Variants in SHPRH observed in about 807,000 individuals in gnomAD.
The protein encoded by SHPRH is SNF2 histone linker PHD RING helicase.
SHPRH carries 106 observed loss-of-function variants against 202.5 expected under a neutral mutation model. The ratio of observed to expected loss-of-function variants is 0.52; its 90% confidence interval spans 0.45 to 0.62. The LOEUF is 0.62. Among genes scored for constraint, SHPRH ranks in the 20% least tolerant of loss-of-function variants. SHPRH has a pLI of 0.00. For synonymous variants in SHPRH, 729 were observed against 686.0 expected (o/e 1.06, Z -0.98); for missense variants, 1,710 against 2,020.0 (o/e 0.85, Z 2.94).
intron 1 of SHPRH, among the ~76,000 whole-genome samples, chr6:145,961,864 C>T (rs951264201): frequency 2.0e-5 from 3 of 152,176 alleles, no homozygotes; most frequent in Non-Finnish European, 4.4e-5. Context: ...AATCTCTATT[C>T]AGGGTTAACT....
chr6:145,919,900 A>G (rs1784287488), intron 21 of SHPRH, among the ~76,000 whole-genome samples: 1 of 152,142 alleles, frequency 6.6e-6, no homozygotes, highest in Non-Finnish European at 1.5e-5. Context: ...AATAATATGA[A>G]TTCCTTGGAA....
At chr6:145,874,604 C>A (rs550445270) in intron 2 of SHPRH, among the ~76,000 whole-genome samples, 46 of 151,660 alleles carry the variant, frequency 3.0e-4, no homozygotes, top group Middle Eastern at 3.4e-3. Flanking sequence ...ACATCCATCA[C>A]CTCATAGTTA....
At chr6:145,902,675 G>A (rs952211605) in intron 25 of SHPRH, among the ~76,000 whole-genome samples, 1 of 152,024 alleles carries the variant, frequency 6.6e-6, no homozygotes, top group African/African-American at 2.4e-5. Context: ...GTAAAAATCT[G>A]AGTATTGGTG....
Position 145,886,161 on chromosome 6 carries a change from T to C in SHPRH, c.*530A>G, listed in dbSNP as rs910677328. The C allele has an allele frequency of 3.8e-6, 1 of 260,566 alleles. No individual in the cohort carries two copies. Among genetic ancestry groups the C allele is most frequent in the Non-Finnish European group, 7.5e-6 (1 of 134,006 alleles). The allele number at this position is 260,566 out of a possible 1,614,324, so 16.1% of individuals were successfully genotyped here. A position where few individuals can be genotyped will look rare whatever the true frequency, so the allele number is the denominator to read the frequency against. On this transcript the variant is annotated 3_prime_UTR_variant, in exon 30 of 30. Transcript: ENST00000275233. ...AACTTATTGTAAGGAGTTGTATTAC[T>C]GCAAAATTACTAGGTGTAAAGTTAT...
Position 145,894,917 on chromosome 6 carries a change from C to G in SHPRH, c.4576G>C (p.Asp1526His), listed in dbSNP as rs755009306. Residue 1526 changes from aspartate (D) to histidine (H), a missense_variant, in exon 26 of 30, where the codon GAT (aspartate) becomes CAT (histidine). By Grantham distance (81) the Asp-to-His change is moderately conservative. Transcript: ENST00000275233. ...VRTLMKIQLR[D>H]PGAKALVFST... ...AAAACGAGTGCTTTGGCCCCTGGAT[C>G]TCTAAGCTGTATTTTCATCAGAGTT... 6.2e-7 allele frequency: 1 copy of G among 1,613,012 alleles called. No individual in the cohort carries two copies.
chr6:145,860,481 G>A (rs1020641827), downstream of SHPRH, among the ~76,000 whole-genome samples: 2 of 151,868 alleles, frequency 1.3e-5, no homozygotes, highest in Non-Finnish European at 2.9e-5. Context: ...ACAAAACATT[G>A]ATGAAATAAA....
At chr6:145,910,678 C>A in intron 24 of SHPRH, 42 bp from the exon 25 acceptor site, 4 of 1,468,700 alleles carry the variant, frequency 2.7e-6, no homozygotes, top group Non-Finnish European at 3.6e-6. Context: ...ATCAAAGATG[C>A]CTTACAATTT....
At chr6:145,858,604 A>G in the SHPRH span, among the ~76,000 whole-genome samples, 1 of 152,072 alleles carries the variant, frequency 6.6e-6, no homozygotes, top group East Asian at 1.9e-4. Context: ...AAGCATGAGG[A>G]AACTTTTTGG....
At chr6:145,948,471 G>C in intron 4 of SHPRH, 121 bp from the exon 5 acceptor site, 1 of 626,018 alleles carries the variant, frequency 1.6e-6, no homozygotes, top group East Asian at 3.1e-5. Context: ...ATATTCTTGT[G>C]AAATCTCATT....
intron 4 of SHPRH, 150 bp downstream of exon 4, chr6:145,950,114 T>C: frequency 1.6e-6 from 1 of 608,290 alleles, no homozygotes; most frequent in Middle Eastern, 4.6e-4. Context: ...ATTTCAATTT[T>C]AAAGAATTTC....
At position 145,930,926 on chromosome 6, in the gene SHPRH, T is replaced by C. The variant is rs111482290; in HGVS notation, c.3112+2131A>G. 7.9e-3 allele frequency among the ~76,000 whole-genome samples: 1,209 copies of C among 152,328 alleles called. 9 individuals carry two copies. Among genetic ancestry groups the C allele is most frequent in the African/African-American group, 0.028 (1,144 of 41,576 alleles). On this transcript the variant is annotated intron_variant, in intron 14 of 29. Transcript: ENST00000275233. ...CGTTAATATTTAGAATTTTTTTCTC[T>C]AGTGATAAAGTAACACCCTTTATCC...
At chr6:145,948,857 A>T (rs1057210087) in intron 4 of SHPRH, among the ~76,000 whole-genome samples, 1 of 151,988 alleles carries the variant, frequency 6.6e-6, no homozygotes, top group Non-Finnish European at 1.5e-5. Context: ...ACCATAACTC[A>T]GAAGTGCTGA....
downstream of SHPRH, among the ~76,000 whole-genome samples, chr6:145,860,429 TA>T (rs1779542193): frequency 6.6e-6 from 1 of 151,920 alleles, no homozygotes; most frequent in Non-Finnish European, 1.5e-5. Context: ...TACTTAGAAA[TA>T]AACTCAACCA....
intron 27 of SHPRH, among the ~76,000 whole-genome samples, chr6:145,893,608 C>T (rs1213806882): frequency 3.9e-5 from 6 of 151,966 alleles, no homozygotes; most frequent in Non-Finnish European, 7.4e-5. Context: ...TCTTGTTCTT[C>T]GTAATATCTA....
intron 2 of SHPRH, among the ~76,000 whole-genome samples, chr6:145,877,223 T>G (rs1192383349): frequency 6.6e-6 from 1 of 152,214 alleles, no homozygotes; most frequent in African/African-American, 2.4e-5. Context: ...TTTAACTATT[T>G]AAGACACGGA....
intron 2 of SHPRH, among the ~76,000 whole-genome samples, chr6:145,865,649 C>T (rs1779745024): frequency 1.3e-5 from 2 of 152,150 alleles, no homozygotes; most frequent in Non-Finnish European, 2.9e-5. Flanking sequence ...AAGCAACATG[C>T]ATTTGAGTAA....
chr6:145,943,598 G>A lies in SHPRH; in HGVS notation c.1783C>T (p.Pro595Ser), dbSNP rs1402320565. Residue 595 changes from proline (P) to serine (S), a missense_variant, in exon 9 of 30, where the codon CCC becomes TCC. By Grantham distance (74) the Pro-to-Ser change is moderately conservative (BLOSUM62 -1). Around this residue, in one of 8 missense-constraint regions of SHPRH, gnomAD observed 348 missense variants for 356.9 expected, o/e 0.97. Transcript: ENST00000275233. ...KKGKSQPFIN[P>S]DSQGHCPATS... The stretch of plus-strand genomic sequence containing the variant: ...GCTGGACAGTGACCTTGTGAATCGG[G>A]ATTGATAAATGGTTGACTTTTTCCT... The A allele has an allele frequency of 1.2e-6, 2 of 1,613,898 alleles. No homozygotes were observed. Among genetic ancestry groups the A allele is most frequent in the South Asian group, 2.2e-5 (2 of 91,082 alleles).
intron 2 of SHPRH, among the ~76,000 whole-genome samples, chr6:145,876,430 G>C (rs893439566): frequency 6.6e-6 from 1 of 152,156 alleles, no homozygotes; most frequent in East Asian, 1.9e-4. Context: ...GAAATATACA[G>C]TATTTTGGGA....
At chr6:145,887,869 G>A (rs890360861) in intron 29 of SHPRH, 151 bp downstream of exon 29, 6 of 615,792 alleles carry the variant, frequency 9.7e-6, no homozygotes, top group African/African-American at 9.3e-5. Context: ...GCACTGACTG[G>A]GAAACAGTGA....
Sources: gnomAD v4.1 joint callset for allele counts (sites outside exome capture counted in the v4.1 genomes callset) on GRCh38, gnomAD v4.1.1 for gene constraint, gnomAD v4.1.1 regional missense constraint, MANE v1.5 for transcripts, NCBI Gene and HGNC (gene_info 2026-07-23, HGNC 2026-07-21) for gene names.